Variants in DPP3 observed in about 807,000 individuals in gnomAD.
The protein encoded by DPP3 is dipeptidyl peptidase 3.
Under a neutral mutation model 89.8 loss-of-function variants are expected in DPP3, and 64 were observed. That is an observed-to-expected ratio of 0.71 (90% confidence interval 0.58 to 0.88). The LOEUF is 0.88. DPP3 is among the 40% of genes least tolerant of loss of function. The pLI, the probability that DPP3 is intolerant of heterozygous loss-of-function variation, is 0.00. For synonymous variants in DPP3, 377 were observed against 404.3 expected (o/e 0.93, Z 0.81); for missense variants, 835 against 972.5 (o/e 0.86, Z 1.88).
rs181998903 is a variant in DPP3, at chr11:66,491,847, C to T, written c.988+91C>T. 360 of 1,383,602 alleles carry T rather than the reference C, an allele frequency of 2.6e-4. 3 individuals carry two copies. In the East Asian group the frequency reaches 6.5e-3, roughly 25 times the overall value. The allele number at this position is 1,383,602 out of a possible 1,614,324, so 85.7% of individuals were successfully genotyped here. ...GTCCCCTGATGGTTCTCCCCACCCC[C>T]GCTCAGCCATAACCATAACAGTAAG... On this transcript the variant is annotated intron_variant, in intron 9 of 17. Transcript: ENST00000531863.
At chr11:66,490,895 G>A (rs2134729053) in intron 6 of DPP3, among the ~76,000 whole-genome samples, 1 of 151,028 alleles carries the variant, frequency 6.6e-6, no homozygotes, top group Non-Finnish European at 1.5e-5. Context: ...TCAGCCTCCC[G>A]AGTAGCTGGC....
At chr11:66,487,516 G>A (rs965635040) in intron 5 of DPP3, among the ~76,000 whole-genome samples, 174 bp downstream of exon 5, 3 of 152,084 alleles carry the variant, frequency 2.0e-5, no homozygotes, top group Non-Finnish European at 4.4e-5. Context: ...TCAGGGCAGG[G>A]CGAGGAACCA....
intron 12 of DPP3, 64 bp from the exon 13 acceptor site, chr11:66,495,142 T>G: frequency 6.2e-7 from 1 of 1,611,280 alleles, no homozygotes; most frequent in Non-Finnish European, 8.5e-7. Context: ...GCCTGTGGAT[T>G]CTGGGGCTGG....
At chr11:66,497,192 C>T in intron 15 of DPP3, 106 bp from the exon 16 acceptor site, 1 of 1,426,836 alleles carries the variant, frequency 7.0e-7, no homozygotes, top group Non-Finnish European at 9.4e-7. Context: ...TAATGGGCAA[C>T]TGGGACCAAG....
Position 66,482,049 on chromosome 11 carries a change from G to C in DPP3, c.-8-144G>C, listed in dbSNP as rs1175287744. ...GTCATCTCACCTTCTCTAAGCCTCA[G>C]TTAGCATATCTGGTGAATGGGTACA... On this transcript the variant is annotated intron_variant, in intron 1 of 17. Transcript: ENST00000531863. The C allele has an allele frequency of 2.4e-6, 3 of 1,226,226 alleles. No individual in the cohort carries two copies. The East Asian group carries it at 7.7e-5, about 31-fold the overall frequency. The allele number at this position is 1,226,226 out of a possible 1,614,324, so 76.0% of individuals were successfully genotyped here. A position where few individuals can be genotyped will look rare whatever the true frequency, so the allele number is the denominator to read the frequency against.
chr11:66,485,636 G>C (rs1855205175), intron 3 of DPP3, among the ~76,000 whole-genome samples: 1 of 152,222 alleles, frequency 6.6e-6, no homozygotes, highest in African/African-American at 2.4e-5. Context: ...CTCGGGCAGA[G>C]GTGGTTCTTA....
chr11:66,494,664 T>C (rs1348580561), intron 12 of DPP3, among the ~76,000 whole-genome samples: 6 of 152,204 alleles, frequency 3.9e-5, no homozygotes, highest in Non-Finnish European at 8.8e-5. Context: ...CTGACTCCAG[T>C]GTGGGGCTCT....
rs549359950 is a variant in DPP3, at chr11:66,488,127, C to A, written c.667+120C>A. 1,653 of 853,094 alleles carry A rather than the reference C, an allele frequency of 1.9e-3. 6 individuals carry two copies. The highest frequency in any genetic ancestry group is 2.7e-3 in the Non-Finnish European group (1,531 of 559,754). The allele number at this position is 853,094 out of a possible 1,614,324, so 52.8% of individuals were successfully genotyped here. A position where few individuals can be genotyped will look rare whatever the true frequency, so the allele number is the denominator to read the frequency against. ...GAGCATCCTTCTCTCCCAGGATTTT[C>A]TACATAAGTCCTGGGAATGGCTCTA... On this transcript the variant is annotated intron_variant, in intron 6 of 17. Coordinates refer to ENST00000531863, the MANE Select transcript of DPP3 (RefSeq NM_130443.4).
intron 4 of DPP3, 122 bp downstream of exon 4, chr11:66,486,799 T>C: frequency 1.6e-6 from 2 of 1,224,362 alleles, no homozygotes; most frequent in Admixed American, 3.1e-5. Flanking sequence ...CCTGAGGCAA[T>C]GCTGCTCCCC....
chr11:66,497,045 G>C (rs900570211), intron 15 of DPP3, among the ~76,000 whole-genome samples: 1 of 152,170 alleles, frequency 6.6e-6, no homozygotes, highest in African/African-American at 2.4e-5. Flanking sequence ...ACCAGGTCCC[G>C]CCTGGAAATG....
intron 12 of DPP3, among the ~76,000 whole-genome samples, chr11:66,494,380 G>A (rs537617134): frequency 4.3e-4 from 66 of 152,324 alleles, no homozygotes; most frequent in Middle Eastern, 6.8e-3. Flanking sequence ...GCTGGAACTG[G>A]GCCCTGGGGT....
intron 3 of DPP3, among the ~76,000 whole-genome samples, 160 bp from the exon 4 acceptor site, chr11:66,486,380 G>A (rs1001560442): frequency 1.3e-5 from 2 of 152,128 alleles, no homozygotes; most frequent in Non-Finnish European, 2.9e-5. Context: ...ACACATGGAC[G>A]CTTGACATTT....
At chr11:66,489,096 C>T (rs1423382204) in intron 6 of DPP3, among the ~76,000 whole-genome samples, 1 of 152,208 alleles carries the variant, frequency 6.6e-6, no homozygotes, top group Non-Finnish European at 1.5e-5. Flanking sequence ...AACTCCTGAC[C>T]TCAGGTGATC....
chr11:66,480,449 C>A lies in DPP3; in HGVS notation c.-25C>A. 6.7e-7 allele frequency: 1 copy of A among 1,485,502 alleles called. No individual in the cohort carries two copies. Among genetic ancestry groups the A allele is most frequent in the Non-Finnish European group, 8.9e-7 (1 of 1,124,064 alleles). 92.0% of individuals were successfully genotyped at this position (1,485,502 alleles called of 1,614,324 possible). A position where few individuals can be genotyped will look rare whatever the true frequency, so the allele number is the denominator to read the frequency against. On this transcript the variant is annotated 5_prime_UTR_variant, in exon 1 of 18. Transcript: ENST00000531863. ...CGGAAGCAGGAAGTGAGTTTGCGAA[C>A]GGAGCAGCTGCTGCAGGTGAGGCGC...
At chr11:66,499,935 A>C (rs889737311) in intron 16 of DPP3, among the ~76,000 whole-genome samples, 6 of 152,136 alleles carry the variant, frequency 3.9e-5, no homozygotes, top group Non-Finnish European at 5.9e-5. Flanking sequence ...TGAAAAAAAA[A>C]CAGTGTATAT....
chr11:66,485,241 G>C lies in DPP3; in HGVS notation c.339G>C (p.Lys113Asn), dbSNP rs775625034. The change falls in exon 3 of 18, where the codon AAG (lysine) becomes AAC (asparagine). Residue 113 changes from lysine to asparagine, a missense_variant. Physicochemically the swap from Lys to Asn is moderately conservative, Grantham distance 94 (BLOSUM62 0). Transcript: ENST00000531863. The stretch of plus-strand genomic sequence containing the variant: ...ACTACAAGTCCTTTGGTGACACCAA[G>C]TTTGTTCCCAACTTGCCCAAGGTGA... ...MGNYKSFGDT[K>N]FVPNLPKEKL... 1.9e-6 allele frequency: 3 copies of C among 1,612,694 alleles called. No individual in the cohort carries two copies. Among genetic ancestry groups the C allele is most frequent in the East Asian group, 2.2e-5 (1 of 44,810 alleles).
In DPP3 at chr11:66,502,247, A is replaced by C. The variant is rs574709227; in HGVS notation, c.1879-2365A>C. On this transcript the variant is annotated intron_variant, in intron 16 of 17. Transcript: ENST00000531863. ...TTTCCTTAGATGGGGACAGCCACAG[A>C]GTGCAGTCAAGCAGAAGCAGCTGAA... Among the ~76,000 whole-genome samples, 62 of 151,974 alleles carry C rather than the reference A, an allele frequency of 4.1e-4. 1 individual carries two copies. The South Asian group carries it at 1.0e-2, about 24-fold the overall frequency.
At chr11:66,503,115 C>T (rs139946569) in intron 16 of DPP3, among the ~76,000 whole-genome samples, 64 of 152,038 alleles carry the variant, frequency 4.2e-4, no homozygotes, top group Admixed American at 5.9e-4. Flanking sequence ...ACTACAGGCA[C>T]CACCATCAAA....
In DPP3 at chr11:66,509,470, C is replaced by T. The variant is rs202242297; in HGVS notation, c.*219C>T. 34 of 1,453,634 alleles carry T rather than the reference C, an allele frequency of 2.3e-5. No homozygotes were observed. The highest frequency in any genetic ancestry group is 9.8e-5 in the African/African-American group (7 of 71,224). 90.0% of individuals were successfully genotyped at this position (1,453,634 alleles called of 1,614,324 possible). A position where few individuals can be genotyped will look rare whatever the true frequency, so the allele number is the denominator to read the frequency against. On this transcript the variant is annotated 3_prime_UTR_variant, in exon 18 of 18. Coordinates refer to ENST00000531863, the MANE Select transcript of DPP3 (RefSeq NM_130443.4). ...ATCTCATTTCATCTGCACTGCCATACGTGGAGTGAGCAAGACAGGGCTTAC... is the reference window on the plus strand; with the variant it reads ...ATCTCATTTCATCTGCACTGCCATATGTGGAGTGAGCAAGACAGGGCTTAC...
Sources: allele counts gnomAD v4.1 joint callset (sites outside exome capture counted in the v4.1 genomes callset), GRCh38; gene constraint gnomAD v4.1.1; transcripts MANE v1.5; gene names NCBI Gene and HGNC (gene_info 2026-07-23, HGNC 2026-07-21).